Variants in DLG2 observed in about 807,000 individuals in gnomAD.
The protein encoded by DLG2 is disks large homolog 2.
In DLG2, 45 loss-of-function variants were observed where a neutral mutation model predicts 132.5. The observed-to-expected ratio is 0.34, with a 90% CI of 0.27 to 0.44. The LOEUF (loss-of-function observed/expected upper bound fraction) is 0.44, where lower values mean the gene tolerates loss of function less well. DLG2 is among the 20% of genes least tolerant of loss of function. The pLI is 1.00. For missense variants in DLG2, 1,045 were observed against 1,196.9 expected, an observed-to-expected ratio of 0.87 and a Z score of 1.87; for synonymous variants, 424 against 419.6, an observed-to-expected ratio of 1.01 and a Z score of -0.13.
intron 6 of DLG2, among the ~76,000 whole-genome samples, chr11:84,592,933 T>TAAAAAAAAAAA (rs61017970): frequency 1.1e-4 from 2 of 18,198 alleles, no homozygotes; most frequent in African/African-American, 4.5e-4. Flanking sequence ...CTGTCTCTAC[T>TAAAAAAAAAAA]AAAAAAAAAA....
At chr11:84,456,763 CT>C (rs1440366950) in intron 7 of DLG2, among the ~76,000 whole-genome samples, 3 of 151,238 alleles carry the variant, frequency 2.0e-5, no homozygotes, top group Admixed American at 6.6e-5. Flanking sequence ...TGTTTCTTCT[CT>C]TCCCATCCTC....
chr11:84,204,686 C>T (rs909679196), intron 8 of DLG2, among the ~76,000 whole-genome samples: 3 of 152,056 alleles, frequency 2.0e-5, no homozygotes, highest in Non-Finnish European at 4.4e-5. Flanking sequence ...ACAATGCTTG[C>T]CATTGATATA....
At chr11:84,240,550 T>C (rs961852126) in intron 8 of DLG2, among the ~76,000 whole-genome samples, 3 of 152,118 alleles carry the variant, frequency 2.0e-5, no homozygotes, top group African/African-American at 7.2e-5. Flanking sequence ...TCTCCCATGA[T>C]TGAAATACTA....
chr11:85,406,967 A>G (rs1468776862), intron 3 of DLG2, among the ~76,000 whole-genome samples: 3 of 151,914 alleles, frequency 2.0e-5, no homozygotes, highest in Non-Finnish European at 2.9e-5. Flanking sequence ...TTTAAGCAGA[A>G]ACCTGAAGGA....
At chr11:83,985,696 T>C (rs1171783762) in intron 11 of DLG2, among the ~76,000 whole-genome samples, 1 of 152,166 alleles carries the variant, frequency 6.6e-6, no homozygotes, top group Non-Finnish European at 1.5e-5. Flanking sequence ...CTCATTCCTT[T>C]TTATGGCTAC....
chr11:85,267,884 A>ATG (rs35082133), intron 4 of DLG2, among the ~76,000 whole-genome samples: 109,150 of 148,218 alleles, frequency 0.74, 40,365 homozygotes, highest in Middle Eastern at 0.83. Flanking sequence ...TGACTTTTGT[A>ATG]TGTGTGTGTG....
intron 3 of DLG2, among the ~76,000 whole-genome samples, chr11:85,298,790 TATATAAC>T (rs1294863047): frequency 6.6e-6 from 1 of 151,854 alleles, no homozygotes; most frequent in Non-Finnish European, 1.5e-5. Flanking sequence ...ATATTGCAGT[TATATAAC>T]AGATTGCTCT....
At chr11:84,532,809 A>T (rs1167741674) in intron 7 of DLG2, among the ~76,000 whole-genome samples, 1 of 152,080 alleles carries the variant, frequency 6.6e-6, no homozygotes, top group Non-Finnish European at 1.5e-5. Context: ...GGAGGTTCTT[A>T]TAGGGAGTTT....
rs1417168163 is a variant in DLG2, at chr11:84,291,622, A to T, written c.520-40331T>A. On this transcript the variant is annotated intron_variant, in intron 7 of 27. Coordinates refer to ENST00000376104, the MANE Select transcript of DLG2 (RefSeq NM_001142699.3). ...CTCCGTTTGATTTATATGCAGAAAA[A>T]CAAAAGTAATTCCAGCTGACAGATG... 2.6e-5 allele frequency among the ~76,000 whole-genome samples: 4 copies of T among 152,334 alleles called. No homozygotes were observed. In the East Asian group the frequency reaches 7.7e-4, roughly 29 times the overall value.
chr11:84,776,428 T>A (rs1270064032), intron 6 of DLG2, among the ~76,000 whole-genome samples: 1 of 152,152 alleles, frequency 6.6e-6, no homozygotes, highest in African/African-American at 2.4e-5. Context: ...AATAATGGGA[T>A]TACAGGCATA....
At chr11:83,919,131 C>G (rs1198228685) in intron 15 of DLG2, among the ~76,000 whole-genome samples, 1 of 152,158 alleles carries the variant, frequency 6.6e-6, no homozygotes, top group Non-Finnish European at 1.5e-5. Context: ...GATTCACCAA[C>G]AGGCCCTATA....
At chr11:84,085,295 A>C (rs2096960503) in intron 10 of DLG2, among the ~76,000 whole-genome samples, 1 of 152,220 alleles carries the variant, frequency 6.6e-6, no homozygotes, top group South Asian at 2.1e-4. Flanking sequence ...TAGAGCCCAA[A>C]GAGCTATTTG....
chr11:85,382,096 G>C (rs1184473990), intron 3 of DLG2, among the ~76,000 whole-genome samples: 1 of 152,062 alleles, frequency 6.6e-6, no homozygotes, highest in Non-Finnish European at 1.5e-5. Context: ...GATGAACAAA[G>C]TTGGAGAACT....
Position 84,166,863 on chromosome 11 carries a change from C to T in DLG2, c.574-3352G>A, listed in dbSNP as rs2095678623. On this transcript the variant is annotated intron_variant, in intron 8 of 27. Transcript: ENST00000376104. The stretch of plus-strand genomic sequence containing the variant: ...CATATAATATTCCCAATCAGGTTAT[C>T]GACATATGATTTTCAATTCCTTTTC... 28 of 527,264 alleles carry T rather than the reference C, an allele frequency of 5.3e-5. 1 individual carries two copies. Among genetic ancestry groups the T allele is most frequent in the South Asian group, 2.3e-4 (16 of 70,752 alleles). The allele number at this position is 527,264 out of a possible 1,614,324, so 32.7% of individuals were successfully genotyped here.
At chr11:83,573,828 C>G (rs919285877) in intron 19 of DLG2, among the ~76,000 whole-genome samples, 1 of 152,148 alleles carries the variant, frequency 6.6e-6, no homozygotes, top group Non-Finnish European at 1.5e-5. Flanking sequence ...ACATGTGGTT[C>G]AGTCCTGGAG....
At chr11:84,962,927 T>A (rs1015933974) in intron 6 of DLG2, among the ~76,000 whole-genome samples, 6 of 152,218 alleles carry the variant, frequency 3.9e-5, no homozygotes, top group Non-Finnish European at 8.8e-5. Flanking sequence ...AAAATTGCCT[T>A]ATCAAGTTCT....
chr11:83,873,701 C>T (rs1395565690), intron 16 of DLG2, among the ~76,000 whole-genome samples: 2 of 152,172 alleles, frequency 1.3e-5, no homozygotes, highest in African/African-American at 4.8e-5. Context: ...CCAATAAGCA[C>T]TCAGTAAATG....
At chr11:83,623,388 C>T (rs534170686) in intron 19 of DLG2, among the ~76,000 whole-genome samples, 1 of 152,216 alleles carries the variant, frequency 6.6e-6, no homozygotes. Flanking sequence ...TAAACTCTCT[C>T]CAATTTGGTG....
chr11:85,478,947 T>C (rs2093218351), intron 3 of DLG2, among the ~76,000 whole-genome samples: 1 of 152,206 alleles, frequency 6.6e-6, no homozygotes, highest in South Asian at 2.1e-4. Context: ...ATAAAAATGT[T>C]ACCCTTATGG....
Sources: gnomAD v4.1 joint callset for allele counts (sites outside exome capture counted in the v4.1 genomes callset) on GRCh38, gnomAD v4.1.1 for gene constraint, MANE v1.5 for transcripts, NCBI Gene and HGNC (gene_info 2026-07-23, HGNC 2026-07-21) for gene names.